RYR3: variants seen among roughly 807,000 people sequenced by gnomAD.
RYR3 encodes the protein ryanodine receptor 3, also known as brain ryanodine receptor-calcium release channel.
A neutral mutation model predicts 584.3 loss-of-function variants in RYR3; 207 were observed. That is an observed-to-expected ratio of 0.35 (90% confidence interval 0.32 to 0.40). The LOEUF (loss-of-function observed/expected upper bound fraction) is 0.40. Among genes scored for constraint, RYR3 ranks in the 10% least tolerant of loss-of-function variants. RYR3 has a pLI of 1.00. For missense variants in RYR3, 5,616 were observed against 6,089.2 expected (o/e 0.92, Z 2.59); for synonymous variants, 2,416 against 2,248.5 (o/e 1.07, Z -2.11).
In RYR3 at chr15:33,311,861, A is replaced by C. The variant is rs1222611484; in HGVS notation, c.51+765A>C. On this transcript the variant is annotated intron_variant, in intron 1 of 103. Coordinates refer to ENST00000634891, the MANE Select transcript of RYR3 (RefSeq NM_001036.6). The surrounding 1 kb of genome is among the most constrained non-coding windows in gnomAD (Gnocchi z 4.4). ...CTGCTCCGTCCCAGATTTGGGGGTG[A>C]GGGGGCGAAGTCTGTTGCAGCCACA... Among the ~76,000 whole-genome samples the C allele has an allele frequency of 1.1e-4, 17 of 152,148 alleles. No homozygotes were observed. The highest frequency in any genetic ancestry group is 1.1e-3 in the Admixed American group (17 of 15,286).
chr15:33,604,306 G>A (rs1044494681), intron 18 of RYR3, among the ~76,000 whole-genome samples: 4 of 152,108 alleles, frequency 2.6e-5, no homozygotes, highest in South Asian at 2.1e-4. Context: ...ATAACTTATC[G>A]CATTTTCTTC....
rs543671596 is a variant in RYR3, at chr15:33,522,494, C to A, written c.280-8098C>A. Among the ~76,000 whole-genome samples, 4 of 152,168 alleles carry A rather than the reference C, an allele frequency of 2.6e-5. No homozygotes were observed. In the South Asian group the frequency reaches 8.3e-4, roughly 32 times the overall value. ...CACCTCTGACTCTCGGCTTTAGATTCGTATTAATTACCCCATTATGAGTTG... is the reference window on the plus strand; with the variant it reads ...CACCTCTGACTCTCGGCTTTAGATTAGTATTAATTACCCCATTATGAGTTG... On this transcript the variant is annotated intron_variant, in intron 3 of 103. Coordinates refer to ENST00000634891, the MANE Select transcript of RYR3 (RefSeq NM_001036.6).
At chr15:33,675,052 G>A (rs2152730677) in intron 38 of RYR3, among the ~76,000 whole-genome samples, 1 of 152,308 alleles carries the variant, frequency 6.6e-6, no homozygotes, top group Non-Finnish European at 1.5e-5. Context: ...CCGAGATAGT[G>A]CCACTGCAGT....
chr15:33,661,534 C>T (rs1420623640), intron 34 of RYR3, among the ~76,000 whole-genome samples: 2 of 152,076 alleles, frequency 1.3e-5, no homozygotes, highest in African/African-American at 4.8e-5. Flanking sequence ...AGTTTTTCCA[C>T]AGACAGTGGT....
At chr15:33,745,922 A>T (rs1483873048) in intron 52 of RYR3, 146 bp from the exon 53 acceptor site, 1 of 652,892 alleles carries the variant, frequency 1.5e-6, no homozygotes, top group Non-Finnish European at 2.8e-6. Flanking sequence ...GCCTGAAAAG[A>T]TCAATTAGGC....
At chr15:33,786,848 T>C (rs2074757002) in intron 66 of RYR3, among the ~76,000 whole-genome samples, 1 of 152,204 alleles carries the variant, frequency 6.6e-6, no homozygotes, top group Admixed American at 6.5e-5. Context: ...ATCAGTGTCC[T>C]TCTGCAGGAC....
At position 33,603,262 on chromosome 15, in the gene RYR3, T is replaced by G; in HGVS notation, c.2062T>G (p.Ser688Ala). ...TCTGCGGGTGGGCTGGGCCTCTTCT[T>G]CAGGCTATGCCCCATACCCAGGAGG... The part of the protein sequence containing the change: ...THLRVGWASS[S>A]GYAPYPGGGE... Residue 688 changes from serine to alanine, a missense_variant, in exon 18 of 104, where the codon TCA becomes GCA. Ser to Ala is a moderately conservative substitution (Grantham distance 99). Coordinates refer to ENST00000634891, the MANE Select transcript of RYR3 (RefSeq NM_001036.6). 1 of 1,613,876 alleles carries G rather than the reference T, an allele frequency of 6.2e-7. No individual in the cohort carries two copies. The highest frequency in any genetic ancestry group is 8.5e-7 in the Non-Finnish European group (1 of 1,179,836).
intron 64 of RYR3, among the ~76,000 whole-genome samples, chr15:33,775,327 C>T (rs536575372): frequency 0.025 from 7 of 280 alleles, no homozygotes; most frequent in South Asian, 0.25. Flanking sequence ...TGCTAGTTCT[C>T]GGGAGTGGAG....
intron 63 of RYR3, among the ~76,000 whole-genome samples, 170 bp downstream of exon 63, chr15:33,772,328 C>A (rs1019980715): frequency 2.6e-5 from 4 of 151,976 alleles, no homozygotes; most frequent in African/African-American, 9.7e-5. Context: ...AAGTAATATA[C>A]TCTTGGAATG....
chr15:33,442,057 A>G (rs2046271339), intron 1 of RYR3, among the ~76,000 whole-genome samples: 1 of 152,234 alleles, frequency 6.6e-6, no homozygotes. Flanking sequence ...AGATGAAGCC[A>G]GAGAGACATC....
chr15:33,824,460 C>T (rs1266842151), intron 81 of RYR3, among the ~76,000 whole-genome samples: 1 of 152,176 alleles, frequency 6.6e-6, no homozygotes, highest in African/African-American at 2.4e-5. Flanking sequence ...AAAACTGCTG[C>T]TTCAGAGCAA....
chr15:33,495,111 T>C (rs1035740366), intron 2 of RYR3, among the ~76,000 whole-genome samples: 1 of 152,226 alleles, frequency 6.6e-6, no homozygotes, highest in Admixed American at 6.5e-5. Context: ...TTTTATGAGC[T>C]CTTGAGCCCT....
At chr15:33,524,133 C>T (rs563941499) in intron 3 of RYR3, among the ~76,000 whole-genome samples, 5 of 152,198 alleles carry the variant, frequency 3.3e-5, no homozygotes, top group Non-Finnish European at 7.3e-5. Flanking sequence ...CACACATACA[C>T]ACACTATCCT....
intron 1 of RYR3, among the ~76,000 whole-genome samples, chr15:33,405,632 G>T (rs1197055765): frequency 6.6e-6 from 1 of 152,206 alleles, no homozygotes; most frequent in African/African-American, 2.4e-5. Flanking sequence ...TTACAAGCAA[G>T]TAAGGCACGT....
intron 19 of RYR3, among the ~76,000 whole-genome samples, chr15:33,620,827 G>A (rs1347530958): frequency 6.6e-6 from 1 of 152,196 alleles, no homozygotes; most frequent in Non-Finnish European, 1.5e-5. Context: ...ACCACTGTCT[G>A]TTCAATCTGC....
At chr15:33,558,820 A>G (rs1415539982) in intron 10 of RYR3, among the ~76,000 whole-genome samples, 3 of 152,196 alleles carry the variant, frequency 2.0e-5, no homozygotes, top group Admixed American at 6.5e-5. Context: ...AACACTTGTT[A>G]CTCACAGTTC....
chr15:33,717,668 G>A (rs892258767), intron 43 of RYR3, among the ~76,000 whole-genome samples: 20 of 152,016 alleles, frequency 1.3e-4, no homozygotes, highest in African/African-American at 4.8e-4. Context: ...AATCTCAAAG[G>A]CATAAAATAA....
chr15:33,419,566 A>G (rs150778252), intron 1 of RYR3, among the ~76,000 whole-genome samples: 11 of 152,338 alleles, frequency 7.2e-5, no homozygotes, highest in Non-Finnish European at 1.5e-4. Flanking sequence ...ATGTAAGGAA[A>G]GTACCTTTCT....
intron 70 of RYR3, among the ~76,000 whole-genome samples, chr15:33,808,009 G>C (rs775125370): frequency 7.2e-5 from 11 of 152,200 alleles, no homozygotes; most frequent in Non-Finnish European, 1.3e-4. Context: ...ATGATTCAAA[G>C]AGAGTCTTCC....
Sources: gnomAD v4.1 joint callset for allele counts (sites outside exome capture counted in the v4.1 genomes callset) on GRCh38, gnomAD v4.1.1 for gene constraint, Gnocchi (gnomAD v3.1) non-coding constraint, MANE v1.5 for transcripts, NCBI Gene and HGNC (gene_info 2026-07-23, HGNC 2026-07-21) for gene names.